Variants in GLDN observed in about 807,000 individuals in gnomAD.
The protein encoded by GLDN is gliomedin, also known as collomin.
In GLDN, 47 loss-of-function variants were observed where a neutral mutation model predicts 56.5. The ratio of observed to expected loss-of-function variants is 0.83; its 90% CI spans 0.66 to 1.06. GLDN has a LOEUF of 1.06. GLDN is among the 50% of genes least tolerant of loss of function. GLDN has a pLI of 0.00. For synonymous variants in GLDN, 332 were observed against 278.8 expected (o/e 1.19, Z -1.90); for missense variants, 782 against 714.3 (o/e 1.09, Z -1.08).
Position 51,404,908 on chromosome 15 carries a change from C to A in GLDN, c.*154C>A. 1.6e-6 allele frequency: 1 copy of A among 624,544 alleles called. No individual in the cohort carries two copies. The highest frequency in any genetic ancestry group is 2.9e-6 in the Non-Finnish European group (1 of 350,736). The allele number at this position is 624,544 out of a possible 1,614,324, so 38.7% of individuals were successfully genotyped here. ...CAGTGAGCCCCGCTTAGTGAAATAG[C>A]AACAGATTGGAAGTTGAAATGGCTG... On this transcript the variant is annotated 3_prime_UTR_variant, in exon 10 of 10. Transcript: ENST00000335449.
downstream of GLDN, among the ~76,000 whole-genome samples, chr15:51,410,358 G>A (rs1263750979): frequency 6.6e-6 from 1 of 152,224 alleles, no homozygotes; most frequent in African/African-American, 2.4e-5. Flanking sequence ...AGCCCCTACA[G>A]AAATGGTCAG....
At chr15:51,356,630 T>C (rs2037191680) in intron 1 of GLDN, among the ~76,000 whole-genome samples, 1 of 152,210 alleles carries the variant, frequency 6.6e-6, no homozygotes, top group African/African-American at 2.4e-5. Context: ...ATTGGAATCA[T>C]ACTGTGAGTT....
intron 9 of GLDN, 50 bp downstream of exon 9, chr15:51,401,793 T>C: frequency 6.4e-7 from 1 of 1,566,754 alleles, no homozygotes; most frequent in East Asian, 2.2e-5. Flanking sequence ...GCACCTGTGC[T>C]GTGGTGCTTT....
intron 4 of GLDN, among the ~76,000 whole-genome samples, chr15:51,386,621 T>G (rs1052492161): frequency 6.6e-6 from 1 of 152,110 alleles, no homozygotes; most frequent in Non-Finnish European, 1.5e-5. Context: ...GGCTGCTGCA[T>G]GGAGAGCGCA....
At chr15:51,385,965 A>G (rs1377831166) in intron 4 of GLDN, among the ~76,000 whole-genome samples, 1 of 152,172 alleles carries the variant, frequency 6.6e-6, no homozygotes, top group East Asian at 1.9e-4. Context: ...TGCCTGACAT[A>G]TGGATGAGAG....
chr15:51,395,642 G>A (rs2459395), intron 5 of GLDN, among the ~76,000 whole-genome samples: 93,551 of 152,014 alleles, frequency 0.62, 29,341 homozygotes, highest in Non-Finnish European at 0.69. Flanking sequence ...GCCCAGGGGC[G>A]GTGGACTGAG....
chr15:51,366,886 A>C (rs1326026014), intron 1 of GLDN, among the ~76,000 whole-genome samples: 1 of 152,226 alleles, frequency 6.6e-6, no homozygotes, highest in Non-Finnish European at 1.5e-5. Flanking sequence ...TCTGAAAAAA[A>C]AAAAGTATGA....
In GLDN at chr15:51,345,308, A is replaced by G. The variant is rs78720486; in HGVS notation, c.363+3261A>G. Among the ~76,000 whole-genome samples the G allele has an allele frequency of 0.015, 2,299 of 152,302 alleles. 191 individuals are homozygous for G. In the East Asian group the frequency reaches 0.25, roughly 17 times the overall value. On this transcript the variant is annotated intron_variant, in intron 1 of 9. Coordinates refer to ENST00000335449, the MANE Select transcript of GLDN (RefSeq NM_181789.4). ...ATATTTTCATAAATTAAACAAACAT[A>G]GAGAAGATATAAGACACTGAGACTG...
downstream of GLDN, among the ~76,000 whole-genome samples, chr15:51,411,121 C>G (rs923877314): frequency 1.3e-5 from 2 of 152,184 alleles, no homozygotes; most frequent in African/African-American, 4.8e-5. Context: ...GTGGCTACTG[C>G]TAAGCTTGAT....
Position 51,394,996 on chromosome 15 carries a change from C to G in GLDN, c.688+15C>G, listed in dbSNP as rs778775120. On this transcript the variant is annotated intron_variant, in intron 5 of 9. Transcript: ENST00000335449. ...GCTCCTGGCAGGTAAGAGGGGTACG[C>G]TGTGGCTCTCTTTGAGGGCTTGTGC... The G allele has an allele frequency of 3.2e-6, 5 of 1,563,066 alleles. No individual in the cohort carries two copies. The highest frequency in any genetic ancestry group is 4.3e-6 in the Non-Finnish European group (5 of 1,159,772).
intron 4 of GLDN, among the ~76,000 whole-genome samples, chr15:51,386,917 A>T (rs2037908367): frequency 6.6e-6 from 1 of 152,118 alleles, no homozygotes; most frequent in Non-Finnish European, 1.5e-5. Flanking sequence ...TGGACTCCGC[A>T]TGGGATGTGC....
downstream of GLDN, among the ~76,000 whole-genome samples, chr15:51,408,702 C>T (rs1321430158): frequency 5.9e-5 from 9 of 152,276 alleles, no homozygotes; most frequent in South Asian, 1.2e-3. Flanking sequence ...CCATGACAGG[C>T]CCTGGTGTGT....
At chr15:51,361,851 AC>A (rs1421884088) in intron 1 of GLDN, among the ~76,000 whole-genome samples, 5 of 151,994 alleles carry the variant, frequency 3.3e-5, no homozygotes, top group African/African-American at 1.2e-4. Flanking sequence ...ATTTGCTTGA[AC>A]CCCAGGAGGC....
In GLDN at chr15:51,405,760, G is replaced by T. The variant is rs1384144418; in HGVS notation, c.*1006G>T. ...AGCACTTTGCAGTGTTCAGAAGAGA[G>T]GCTCCATTTGTGGCTATTATGTAGA... On this transcript the variant is annotated 3_prime_UTR_variant, in exon 10 of 10. Coordinates refer to ENST00000335449, the MANE Select transcript of GLDN (RefSeq NM_181789.4). 6.6e-6 allele frequency: 1 copy of T among 152,204 alleles called. No homozygotes were observed. The highest frequency in any genetic ancestry group is 1.5e-5 in the Non-Finnish European group (1 of 68,050). 9.4% of individuals were successfully genotyped at this position (152,204 alleles called of 1,614,324 possible). A position where few individuals can be genotyped will look rare whatever the true frequency, so the allele number is the denominator to read the frequency against.
In GLDN at chr15:51,404,373, C is replaced by T; in HGVS notation, c.1275C>T (p.Phe425=). The T allele has an allele frequency of 6.2e-7, 1 of 1,614,056 alleles. No homozygotes were observed. Among genetic ancestry groups the T allele is most frequent in the Non-Finnish European group, 8.5e-7 (1 of 1,180,002 alleles). The change falls in exon 10 of 10, where the codon TTC becomes TTT. Residue 425 remains phenylalanine, a synonymous_variant. Transcript: ENST00000335449. The part of the protein sequence containing the change: ...KYLFANSKTY[F]NLAVDEKGLW... ...TTTTTGCAAATTCCAAAACTTACTT[C>T]AATCTAGCTGTAGATGAAAAGGGCC...
intron 3 of GLDN, 89 bp downstream of exon 3, chr15:51,383,542 A>G: frequency 2.7e-6 from 4 of 1,482,862 alleles, no homozygotes; most frequent in South Asian, 2.3e-5. Context: ...CGGGGAGGGC[A>G]AGAGCCTGGA....
At chr15:51,345,479 T>C (rs1456259421) in intron 1 of GLDN, among the ~76,000 whole-genome samples, 1 of 152,234 alleles carries the variant, frequency 6.6e-6, no homozygotes, top group African/African-American at 2.4e-5. Flanking sequence ...TCAAATGTTC[T>C]TTTAAGGAAG....
At chr15:51,358,669 T>C (rs2037233209) in intron 1 of GLDN, among the ~76,000 whole-genome samples, 1 of 152,048 alleles carries the variant, frequency 6.6e-6, no homozygotes, top group Non-Finnish European at 1.5e-5. Flanking sequence ...TGACTAGGGG[T>C]GTGGGCACTT....
In GLDN at chr15:51,397,552, A is replaced by G. The variant is rs373750156; in HGVS notation, c.771A>G (p.Arg257=). ...PGPPGPPGSR[R]AKGPRQPSMF... ...CTCCAGGGCCCCCTGGAAGCAGAAG[A>G]GCCAAAGGCCCTCGGCAGCCAAGCA... The change falls in exon 6 of 10, where the codon AGA becomes AGG. Residue 257 remains arginine, a synonymous_variant. Coordinates refer to ENST00000335449, the MANE Select transcript of GLDN (RefSeq NM_181789.4). 15 of 1,601,806 alleles carry G rather than the reference A, an allele frequency of 9.4e-6. No individual in the cohort carries two copies. The highest frequency in any genetic ancestry group is 1.3e-5 in the Non-Finnish European group (15 of 1,173,452).
Sources: gnomAD v4.1 joint callset for allele counts (sites outside exome capture counted in the v4.1 genomes callset) on GRCh38, gnomAD v4.1.1 for gene constraint, MANE v1.5 for transcripts, NCBI Gene and HGNC (gene_info 2026-07-23, HGNC 2026-07-21) for gene names.